The following NPSR1 variants were observed in gnomAD, a reference collection of about 807,000 sequenced individuals.
NPSR1 encodes neuropeptide S receptor.
Under a neutral mutation model 46.9 loss-of-function variants are expected in NPSR1, and 48 were observed. The observed-to-expected ratio is 1.02, with a 90% CI of 0.81 to 1.30. The LOEUF is 1.30. Ranked by LOEUF, NPSR1 falls within the 50% of genes most tolerant of loss-of-function variation. The pLI is 0.00. For synonymous variants in NPSR1, 176 were observed against 168.1 expected, an observed-to-expected ratio of 1.05 and a Z score of -0.36; for missense variants, 450 against 449.5, an observed-to-expected ratio of 1.00 and a Z score of -0.01.
At chr7:34,845,629 GC>G (rs1326967756) in intron 7 of NPSR1, 1 of 454,216 alleles carries the variant, frequency 2.2e-6, no homozygotes, top group South Asian at 1.6e-5. Context: ...TCTTTACTCT[GC>G]CTTATTTTTC....
chr7:34,818,878 G>T (rs1161270029), intron 4 of NPSR1, among the ~76,000 whole-genome samples: 1 of 152,202 alleles, frequency 6.6e-6, no homozygotes, highest in Non-Finnish European at 1.5e-5. Context: ...GGAGAAAGCT[G>T]ACACTGGATC....
chr7:34,696,272 A>G (rs745765561), intron 2 of NPSR1, among the ~76,000 whole-genome samples: 7 of 152,086 alleles, frequency 4.6e-5, no homozygotes, highest in Non-Finnish European at 8.8e-5. Flanking sequence ...CCATCCATAG[A>G]TAAAAAGATG....
At chr7:34,809,980 C>T (rs1324306509) in intron 3 of NPSR1, among the ~76,000 whole-genome samples, 4 of 152,164 alleles carry the variant, frequency 2.6e-5, no homozygotes, top group African/African-American at 7.2e-5. Flanking sequence ...TTCTTTCTTA[C>T]GAGCCTTCAA....
chr7:34,674,703 G>T (rs561123098), intron 1 of NPSR1, among the ~76,000 whole-genome samples: 4 of 152,214 alleles, frequency 2.6e-5, no homozygotes, highest in South Asian at 2.1e-4. Context: ...CTGAAAACAT[G>T]AGGGGCACGG....
intron 2 of NPSR1, among the ~76,000 whole-genome samples, chr7:34,747,675 C>T (rs1785279784): frequency 6.6e-6 from 1 of 152,118 alleles, no homozygotes; most frequent in South Asian, 2.1e-4. Context: ...TGACTGGATA[C>T]CGCATGAGTT....
intron 3 of NPSR1, among the ~76,000 whole-genome samples, chr7:34,794,182 A>C (rs779810229): frequency 2.6e-4 from 40 of 152,214 alleles, no homozygotes; most frequent in Admixed American, 5.9e-4. Context: ...AAAAAACAAT[A>C]GTGTATTATA....
chr7:34,807,497 T>C (rs1052530484), intron 3 of NPSR1, among the ~76,000 whole-genome samples: 1 of 152,198 alleles, frequency 6.6e-6, no homozygotes, highest in Non-Finnish European at 1.5e-5. Flanking sequence ...AATAATCCTT[T>C]ATCACATGAA....
rs112616823 is a variant in NPSR1, at chr7:34,866,640, T to C, written c.1026-11436T>C. 4.2e-3 allele frequency among the ~76,000 whole-genome samples: 632 copies of C among 151,708 alleles called. 23 individuals are homozygous for C. Among genetic ancestry groups the C allele is most frequent in the African/African-American group, 0.015 (612 of 41,022 alleles). On this transcript the variant is annotated intron_variant, in intron 8 of 8. Transcript: ENST00000359791. ...TAAGTGATCTAGAAAACCATGATCA[T>C]ATGGGCTTCTCCTCTTCCTACCTAA...
intron 2 of NPSR1, among the ~76,000 whole-genome samples, chr7:34,717,377 C>T (rs192238958): frequency 4.9e-4 from 74 of 152,306 alleles, no homozygotes; most frequent in Admixed American, 1.8e-3. Context: ...GGTGATCTGC[C>T]GCCTCAGCCT....
chr7:34,837,526 A>G (rs534667032), intron 6 of NPSR1, among the ~76,000 whole-genome samples: 2 of 152,270 alleles, frequency 1.3e-5, no homozygotes, highest in African/African-American at 2.4e-5. Flanking sequence ...CCCATTTCCC[A>G]TTTAACCCAT....
At chr7:34,843,729 G>C (rs1350303345) in intron 6 of NPSR1, among the ~76,000 whole-genome samples, 1 of 152,350 alleles carries the variant, frequency 6.6e-6, no homozygotes, top group East Asian at 1.9e-4. Flanking sequence ...GTAAACATCT[G>C]ACTGGTTTCC....
intron 4 of NPSR1, among the ~76,000 whole-genome samples, chr7:34,813,214 G>A (rs1445842180): frequency 6.6e-6 from 1 of 152,134 alleles, no homozygotes; most frequent in Non-Finnish European, 1.5e-5. Flanking sequence ...GTCTATGGAA[G>A]AAGTTTCAGT....
intron 4 of NPSR1, among the ~76,000 whole-genome samples, chr7:34,824,362 G>A (rs750237639): frequency 5.9e-5 from 9 of 152,118 alleles, no homozygotes; most frequent in African/African-American, 2.2e-4. Context: ...ACTTTCCGGG[G>A]GTGAGAAACA....
In NPSR1 at chr7:34,849,791, T is replaced by C. The variant is rs1251895874; in HGVS notation, c.*136T>C. 1 of 1,485,748 alleles carries C rather than the reference T, an allele frequency of 6.7e-7. No individual in the cohort carries two copies. The highest frequency in any genetic ancestry group is 2.4e-5 in the East Asian group (1 of 41,686). 92.0% of individuals were successfully genotyped at this position (1,485,748 alleles called of 1,614,324 possible). A position where few individuals can be genotyped will look rare whatever the true frequency, so the allele number is the denominator to read the frequency against. ...TTACCTGGGAGATGCACAAGACAAA[T>C]GTTCTAATGACTGCATGCACTGCTT... On this transcript the variant is annotated 3_prime_UTR_variant, in exon 9 of 9. Coordinates refer to ENST00000360581, the MANE Select transcript of NPSR1 (RefSeq NM_207172.2).
chr7:34,694,869 C>G (rs1338701840), intron 2 of NPSR1, among the ~76,000 whole-genome samples: 3 of 152,084 alleles, frequency 2.0e-5, no homozygotes, highest in Non-Finnish European at 4.4e-5. Flanking sequence ...ATCACCATGC[C>G]CAGCTAATTT....
intron 3 of NPSR1, among the ~76,000 whole-genome samples, chr7:34,790,945 C>T (rs541527154): frequency 1.3e-4 from 13 of 96,704 alleles, no homozygotes; most frequent in Admixed American, 5.0e-4. Context: ...TATTATATAT[C>T]ATATATGTTA....
chr7:34,790,591 T>C (rs1385380307), intron 3 of NPSR1, among the ~76,000 whole-genome samples: 1 of 149,388 alleles, frequency 6.7e-6, no homozygotes, highest in African/African-American at 2.4e-5. Context: ...ACTTAAATTT[T>C]CTGTTTGAAG....
chr7:34,807,495 T>C (rs1450719489), intron 3 of NPSR1, among the ~76,000 whole-genome samples: 2 of 152,188 alleles, frequency 1.3e-5, no homozygotes, highest in Non-Finnish European at 2.9e-5. Flanking sequence ...TAAATAATCC[T>C]TTATCACATG....
Position 34,674,665 on chromosome 7 carries a change from A to G in NPSR1, c.148-9887A>G, listed in dbSNP as rs1271029978. On this transcript the variant is annotated intron_variant, in intron 1 of 8. Transcript: ENST00000360581. Reference sequence around the variant, plus strand: ...TAGAGATATTCATCTTCAACATCACATACATAACAACCTTCCTAAAACAAA... The same window carrying G: ...TAGAGATATTCATCTTCAACATCACGTACATAACAACCTTCCTAAAACAAA... Among the ~76,000 whole-genome samples, 3 of 152,220 alleles carry G rather than the reference A, an allele frequency of 2.0e-5. No individual in the cohort carries two copies. In the East Asian group the frequency reaches 5.8e-4, roughly 29 times the overall value.
Sources: allele counts gnomAD v4.1 joint callset (sites outside exome capture counted in the v4.1 genomes callset), GRCh38; gene constraint gnomAD v4.1.1; transcripts MANE v1.5; gene names NCBI Gene and HGNC (gene_info 2026-07-23, HGNC 2026-07-21).